Variants in PTK2B observed in about 807,000 individuals in gnomAD.
The protein encoded by PTK2B is protein tyrosine kinase 2 beta.
PTK2B carries 71 observed loss-of-function variants against 142.9 expected under a neutral mutation model. The observed-to-expected ratio is 0.50, with a 90% CI of 0.41 to 0.61. The LOEUF is 0.61. Among genes scored for constraint, PTK2B ranks in the 20% least tolerant of loss-of-function variants. The pLI, the probability that PTK2B is intolerant of heterozygous loss-of-function variation, is 0.00. For synonymous variants in PTK2B, 519 were observed against 503.4 expected (o/e 1.03, Z -0.42); for missense variants, 1,105 against 1,320.4 (o/e 0.84, Z 2.53).
At chr8:27,388,786 C>G (rs909230112) in intron 1 of PTK2B, among the ~76,000 whole-genome samples, 1 of 152,248 alleles carries the variant, frequency 6.6e-6, no homozygotes, top group Non-Finnish European at 1.5e-5. Flanking sequence ...GCCACACACA[C>G]ACCAGGCACT....
Position 27,430,089 on chromosome 8 carries a change from C to T in PTK2B, c.552-4C>T. The T allele has an allele frequency of 1.2e-6, 2 of 1,613,144 alleles. No individual in the cohort carries two copies. Among genetic ancestry groups the T allele is most frequent in the Non-Finnish European group, 1.7e-6 (2 of 1,179,096 alleles). On this transcript the variant is annotated splice_region_variant and splice_polypyrimidine_tract_variant and intron_variant, in intron 5 of 30. Transcript: ENST00000346049. The stretch of plus-strand genomic sequence containing the variant: ...GCCTCCCTCTCCACCACCTATTTCT[C>T]CAGGCGGTTCTTCAAGGATATGCCC...
intron 3 of PTK2B, among the ~76,000 whole-genome samples, chr8:27,318,743 A>G (rs536888380): frequency 2.5e-4 from 38 of 152,214 alleles, no homozygotes; most frequent in African/African-American, 7.9e-4. Context: ...CTCCGCCTCC[A>G]GGGTTCAAGC....
chr8:27,406,937 G>A (rs1433626217), intron 2 of PTK2B, among the ~76,000 whole-genome samples: 1 of 152,150 alleles, frequency 6.6e-6, no homozygotes, highest in Non-Finnish European at 1.5e-5. Context: ...AGATATTTTA[G>A]TAGGGGGACT....
intron 22 of PTK2B, 28 bp downstream of exon 22, chr8:27,443,011 C>CTG (rs1811250749): frequency 6.3e-7 from 1 of 1,577,894 alleles, no homozygotes; most frequent in African/African-American, 1.4e-5. Context: ...CTCATAAGTC[C>CTG]TGTGAGTCAA....
intron 15 of PTK2B, among the ~76,000 whole-genome samples, chr8:27,436,726 G>A (rs1170617667): frequency 1.3e-5 from 2 of 152,170 alleles, no homozygotes; most frequent in African/African-American, 2.4e-5. Context: ...CTGTGGTAAC[G>A]CTTCTAGCAG....
At position 27,420,748 on chromosome 8, in the gene PTK2B, A is replaced by G. The variant is rs1329219879; in HGVS notation, c.471+4A>G. On this transcript the variant is annotated splice_donor_region_variant and intron_variant, in intron 4 of 30. Coordinates refer to ENST00000346049, the MANE Select transcript of PTK2B (RefSeq NM_173176.3). ...GCTGCTCTATTTTTACCAACAGGTAAAAAGTACTTTATCTTCTTGCCCCGA... is the reference window on the plus strand; with the variant it reads ...GCTGCTCTATTTTTACCAACAGGTAGAAAGTACTTTATCTTCTTGCCCCGA... 1.2e-6 allele frequency: 2 copies of G among 1,606,096 alleles called. No individual in the cohort carries two copies. The highest frequency in any genetic ancestry group is 1.1e-5 in the South Asian group (1 of 90,926).
chr8:27,348,085 A>C (rs1328442928), intron 1 of PTK2B, among the ~76,000 whole-genome samples: 1 of 152,200 alleles, frequency 6.6e-6, no homozygotes, highest in East Asian at 1.9e-4. Context: ...TTCAGATAAA[A>C]CAATCTCCAG....
intron 30 of PTK2B, 55 bp from the exon 31 acceptor site, chr8:27,458,239 C>T: frequency 4.5e-6 from 7 of 1,547,716 alleles, no homozygotes; most frequent in Non-Finnish European, 6.2e-6. Context: ...GCTTCCCTAT[C>T]CTCCAAGCAC....
At chr8:27,434,354 C>T (rs2132098484) in intron 12 of PTK2B, among the ~76,000 whole-genome samples, 159 bp from the exon 13 acceptor site, 1 of 152,320 alleles carries the variant, frequency 6.6e-6, no homozygotes, top group East Asian at 1.9e-4. Flanking sequence ...TGTCCCCCAA[C>T]TCCAGCCCCC....
rs1811760313 is a variant in PTK2B at position 27,450,865 on chromosome 8, C to CCA, written c.2458_2459dup (p.Gln820HisfsTer17). The CCA allele has an allele frequency of 6.2e-7, 1 of 1,614,074 alleles. No individual in the cohort carries two copies. The highest frequency in any genetic ancestry group is 8.5e-7 in the Non-Finnish European group (1 of 1,180,038). On this transcript the variant is annotated frameshift_variant, in exon 25 of 31. Coordinates refer to ENST00000346049, the MANE Select transcript of PTK2B (RefSeq NM_173176.3). LOFTEE classifies it high-confidence loss of function. Reference sequence around the variant, plus strand: ...AGCAGAAGCAGATGGTGGAGGACTACCAGTGGCTCAGGCAGGAGGAGAAGT... The same window carrying CCA: ...AGCAGAAGCAGATGGTGGAGGACTACCACAGTGGCTCAGGCAGGAGGAGAAGT...
At position 27,435,768 on chromosome 8, in the gene PTK2B, C is replaced by T. The variant is rs771419071; in HGVS notation, c.1218C>T (p.Pro406=). ...SIESDIYAEI[P]DETLRRPGGP... Reference sequence around the variant, plus strand: ...AGTCAGACATCTACGCAGAGATTCCCGACGAAACCCTGCGAAGGCCCGGAG... The same window carrying T: ...AGTCAGACATCTACGCAGAGATTCCTGACGAAACCCTGCGAAGGCCCGGAG... The change falls in exon 14 of 31, where the codon CCC becomes CCT. Residue 406 remains proline, a synonymous_variant. Transcript: ENST00000346049. 5.0e-6 allele frequency: 8 copies of T among 1,614,148 alleles called. No individual in the cohort carries two copies. Among genetic ancestry groups the T allele is most frequent in the African/African-American group, 1.3e-5 (1 of 75,052 alleles).
At chr8:27,324,134 A>G (rs537389419), upstream of PTK2B, among the ~76,000 whole-genome samples, 29 of 152,266 alleles carry the variant, frequency 1.9e-4, 1 homozygote, top group South Asian at 5.4e-3. Context: ...CATGTAGTCA[A>G]TTACCTGCCT....
upstream of PTK2B, chr8:27,322,303 C>T (rs1305794140): frequency 2.0e-5 from 3 of 152,130 alleles, no homozygotes; most frequent in Non-Finnish European, 4.4e-5. Flanking sequence ...TACATAATGT[C>T]GCAGCCCTGC....
intron 24 of PTK2B, among the ~76,000 whole-genome samples, chr8:27,448,531 T>C (rs1811615887): frequency 6.6e-6 from 1 of 152,250 alleles, no homozygotes; most frequent in Non-Finnish European, 1.5e-5. Context: ...TGTTAGAATA[T>C]GTGGTACGAT....
chr8:27,319,173 C>T (rs1299484783), intron 3 of PTK2B, among the ~76,000 whole-genome samples: 1 of 152,008 alleles, frequency 6.6e-6, no homozygotes, highest in Non-Finnish European at 1.5e-5. Flanking sequence ...TTCAAATGCA[C>T]TCAATATTTT....
intron 1 of PTK2B, among the ~76,000 whole-genome samples, chr8:27,342,571 G>T (rs1484096782): frequency 6.6e-6 from 1 of 152,056 alleles, no homozygotes; most frequent in East Asian, 1.9e-4. Flanking sequence ...CGGTGTTCTC[G>T]AAGGCAAGAC....
chr8:27,434,713 G>A (rs962572735), intron 13 of PTK2B, among the ~76,000 whole-genome samples, 154 bp downstream of exon 13: 5 of 152,132 alleles, frequency 3.3e-5, no homozygotes, highest in African/African-American at 1.2e-4. Context: ...AAAATATCGT[G>A]AATTATGGCT....
At chr8:27,329,716 A>G (rs1803627925) in intron 1 of PTK2B, among the ~76,000 whole-genome samples, 1 of 152,040 alleles carries the variant, frequency 6.6e-6, no homozygotes, top group African/African-American at 2.4e-5. Flanking sequence ...AAGAGCAGGG[A>G]TAGTGGTGAC....
intron 1 of PTK2B, among the ~76,000 whole-genome samples, chr8:27,370,760 G>T (rs1187720286): frequency 6.6e-6 from 1 of 152,188 alleles, no homozygotes. Flanking sequence ...CTCAGCCTGT[G>T]CATCAGACCT....
Sources: gnomAD v4.1 joint callset for allele counts (sites outside exome capture counted in the v4.1 genomes callset) on GRCh38, gnomAD v4.1.1 for gene constraint, MANE v1.5 for transcripts, NCBI Gene and HGNC (gene_info 2026-07-23, HGNC 2026-07-21) for gene names.